Variants in PPHLN1 observed in about 807,000 individuals in gnomAD.
The protein encoded by PPHLN1 is periphilin-1.
A neutral mutation model predicts 51.3 loss-of-function variants in PPHLN1; 29 were observed. The observed-to-expected ratio is 0.57, with a 90% CI of 0.42 to 0.77. The LOEUF is 0.77. PPHLN1 is among the 30% of genes least tolerant of loss of function. The probability of loss-of-function intolerance (pLI) is 0.00; values close to 1 mark genes in which losing one functional copy is unlikely to be tolerated. For synonymous variants in PPHLN1, 147 were observed against 147.8 expected (o/e 0.99, Z 0.04); for missense variants, 436 against 438.4 (o/e 0.99, Z 0.05).
At chr12:42,432,731 A>T (rs975317591) in intron 9 of PPHLN1, among the ~76,000 whole-genome samples, 1 of 152,178 alleles carries the variant, frequency 6.6e-6, no homozygotes, top group African/African-American at 2.4e-5. Context: ...ATGTGTTCCT[A>T]TTGCCACACC....
Position 42,383,983 on chromosome 12 carries a change from C to CAAAAAAAAA in PPHLN1, c.512-937_512-929dup, listed in dbSNP as rs61016692. Among the ~76,000 whole-genome samples the CAAAAAAAAA allele has an allele frequency of 2.1e-4, 11 of 51,642 alleles. 1 individual carries two copies. Among genetic ancestry groups the CAAAAAAAAA allele is most frequent in the South Asian group, 1.2e-3 (1 of 846 alleles). The allele number at this position is 51,642 out of a possible 152,430, so 33.9% of individuals were successfully genotyped here. On this transcript the variant is annotated intron_variant, in intron 5 of 9. Coordinates refer to ENST00000358314, the MANE Select transcript of PPHLN1 (RefSeq NM_201439.2). The stretch of plus-strand genomic sequence containing the variant: ...TGGGCAACAGAGTGAGACTGTGTCT[C>CAAAAAAAAA]AAAAAAAAAAAAAAAAAAAAAAAAA...
At chr12:42,382,565 C>G (rs993446966) in intron 5 of PPHLN1, among the ~76,000 whole-genome samples, 1 of 151,988 alleles carries the variant, frequency 6.6e-6, no homozygotes, top group African/African-American at 2.4e-5. Context: ...AAATAGCTAA[C>G]GAGTAGCAAG....
intron 9 of PPHLN1, among the ~76,000 whole-genome samples, chr12:42,418,634 A>G (rs114448794): frequency 1.2e-3 from 176 of 149,502 alleles, no homozygotes; most frequent in African/African-American, 4.4e-3. Context: ...TATGACTTCT[A>G]CTAAGCATTC....
intron 4 of PPHLN1, among the ~76,000 whole-genome samples, chr12:42,357,771 A>G (rs985486718): frequency 2.0e-5 from 3 of 152,088 alleles, no homozygotes; most frequent in African/African-American, 4.8e-5. Flanking sequence ...ATACGAGTGT[A>G]GTTTTGTTAC....
At chr12:42,343,929 C>T (rs1371448135) in intron 2 of PPHLN1, 2 of 440,224 alleles carry the variant, frequency 4.5e-6, no homozygotes, top group East Asian at 7.5e-5. Flanking sequence ...TCAACAAGTG[C>T]TAAAATAAGA....
At chr12:42,366,945 C>G (rs1044260769) in intron 4 of PPHLN1, among the ~76,000 whole-genome samples, 1 of 152,150 alleles carries the variant, frequency 6.6e-6, no homozygotes, top group African/African-American at 2.4e-5. Flanking sequence ...CCTTTCTTAT[C>G]TTCATGAACA....
intron 9 of PPHLN1, among the ~76,000 whole-genome samples, chr12:42,401,912 T>TGGCACGATTACACCTCACTGCAGC (rs1565947380): frequency 3.9e-5 from 6 of 152,158 alleles, no homozygotes; most frequent in Non-Finnish European, 5.9e-5. Context: ...TGGAGTGCAG[T>TGGCACGATTACACCTCACTGCAGC]GGCACGATTA....
At chr12:42,410,355 A>T (rs1419841816) in intron 9 of PPHLN1, among the ~76,000 whole-genome samples, 1 of 152,148 alleles carries the variant, frequency 6.6e-6, no homozygotes, top group Non-Finnish European at 1.5e-5. Context: ...CTAAAAATAT[A>T]TTCTTATTCA....
intron 3 of PPHLN1, among the ~76,000 whole-genome samples, chr12:42,352,387 C>T (rs995256392): frequency 1.3e-5 from 2 of 151,556 alleles, no homozygotes; most frequent in Non-Finnish European, 2.9e-5. Context: ...AGGTGGTTAC[C>T]ATTTCTTACT....
rs1566010377 is a variant in PPHLN1 at position 42,426,219 on chromosome 12, CA to C, written c.910-15095del. Among the ~76,000 whole-genome samples the C allele has an allele frequency of 4.6e-3, 641 of 138,984 alleles. 2 individuals are homozygous for C. The highest frequency in any genetic ancestry group is 0.014 in the Middle Eastern group (4 of 282). The allele number at this position is 138,984 out of a possible 152,430, so 91.2% of individuals were successfully genotyped here. On this transcript the variant is annotated intron_variant, in intron 9 of 9. Transcript: ENST00000358314. The stretch of plus-strand genomic sequence containing the variant: ...ACACACACACACACACACACACACA[CA>C]CACACACACCCTCATGCATTGTCTC...
Position 42,348,821 on chromosome 12 carries a change from T to G in PPHLN1, c.73-3064T>G, listed in dbSNP as rs2138112466. On this transcript the variant is annotated intron_variant, in intron 2 of 9. Coordinates refer to ENST00000358314, the MANE Select transcript of PPHLN1 (RefSeq NM_201439.2). ...TACTAATTTTGGCTTAATGTCAGTT[T>G]TTTTTTTGGGCAGCTTAGTACTTAA... Among the ~76,000 whole-genome samples, 4 of 149,896 alleles carry G rather than the reference T, an allele frequency of 2.7e-5. No homozygotes were observed. In the South Asian group the frequency reaches 8.6e-4, roughly 32 times the overall value.
downstream of PPHLN1, chr12:42,442,836 C>T (rs1364002692): frequency 4.4e-6 from 7 of 1,575,650 alleles, no homozygotes; most frequent in Admixed American, 8.8e-5. Context: ...ACAACAGAAA[C>T]AGTATATAAA....
At chr12:42,379,632 T>C (rs2076595514) in intron 5 of PPHLN1, among the ~76,000 whole-genome samples, 1 of 152,050 alleles carries the variant, frequency 6.6e-6, no homozygotes, top group African/African-American at 2.4e-5. Flanking sequence ...GCCTAAGCTA[T>C]TTTCACATAT....
In PPHLN1 at chr12:42,421,464, C is replaced by T. The variant is rs7954227; in HGVS notation, c.910-19851C>T. Among the ~76,000 whole-genome samples the T allele has an allele frequency of 7.5e-3, 1,140 of 152,258 alleles. 17 individuals carry two copies. Among genetic ancestry groups the T allele is most frequent in the African/African-American group, 0.026 (1,079 of 41,558 alleles). ...CCAGGTTCAAGCGATTCTCCTGTCT[C>T]AGCCTCCCTAGTAGCTGGGATTACA... On this transcript the variant is annotated intron_variant, in intron 9 of 9. Coordinates refer to ENST00000358314, the MANE Select transcript of PPHLN1 (RefSeq NM_201439.2).
chr12:42,349,403 G>GTTTT (rs199541729), intron 2 of PPHLN1, among the ~76,000 whole-genome samples: 24,318 of 151,326 alleles, frequency 0.16, 2,007 homozygotes, highest in Admixed American at 0.2. Context: ...GTTTTGTTTT[G>GTTTT]TTTTTTAAAT....
At chr12:42,432,449 T>C in intron 9 of PPHLN1, 1 of 763,042 alleles carries the variant, frequency 1.3e-6, no homozygotes, top group Non-Finnish European at 2.5e-6. Flanking sequence ...CATACTGTCT[T>C]CTCTGGGTAG....
chr12:42,395,657 T>A (rs1401105492), intron 8 of PPHLN1, among the ~76,000 whole-genome samples: 3 of 152,180 alleles, frequency 2.0e-5, no homozygotes, highest in Non-Finnish European at 2.9e-5. Context: ...AAGAAAGGCC[T>A]TTGATGCCAA....
chr12:42,401,968 C>T (rs1448863859), intron 9 of PPHLN1, among the ~76,000 whole-genome samples: 3 of 152,120 alleles, frequency 2.0e-5, no homozygotes, highest in African/African-American at 7.2e-5. Flanking sequence ...AATACTCCCA[C>T]CTCACCCTCC....
intron 4 of PPHLN1, among the ~76,000 whole-genome samples, chr12:42,370,724 T>TA (rs1166775918): frequency 6.6e-6 from 1 of 152,242 alleles, no homozygotes; most frequent in African/African-American, 2.4e-5. Context: ...GAAGAAAAGT[T>TA]ACAGCTTTTA....
Sources: gnomAD v4.1 joint callset for allele counts (sites outside exome capture counted in the v4.1 genomes callset) on GRCh38, gnomAD v4.1.1 for gene constraint, MANE v1.5 for transcripts, NCBI Gene and HGNC (gene_info 2026-07-23, HGNC 2026-07-21) for gene names.